The following STON2 variants were observed in gnomAD, a reference collection of about 807,000 sequenced individuals.
STON2 encodes stonin-2.
A neutral mutation model predicts 65.7 loss-of-function variants in STON2; 29 were observed. The ratio of observed to expected loss-of-function variants is 0.44; its 90% CI spans 0.33 to 0.60. STON2 has a LOEUF of 0.60. Ranked by LOEUF, STON2 falls within the 20% of genes least tolerant of loss-of-function variation. The pLI is 0.03. For missense variants in STON2, 1,054 were observed against 1,118.1 expected (o/e 0.94, Z 0.82); for synonymous variants, 404 against 414.2 (o/e 0.98, Z 0.30).
chr14:81,310,611 C>A (rs1250751301), intron 5 of STON2, among the ~76,000 whole-genome samples: 4 of 152,154 alleles, frequency 2.6e-5, no homozygotes, highest in Admixed American at 2.0e-4. Context: ...TTATTGAGGA[C>A]TTACTATATT....
At position 81,266,806 on chromosome 14, in the gene STON2, C is replaced by T; in HGVS notation, c.*1608G>A. On this transcript the variant is annotated 3_prime_UTR_variant, in exon 8 of 8. Transcript: ENST00000614646. ...CTTCCTAACACCGTTCCCATCAACA[C>T]CACACACATAAACACACACAAACAC... 1 of 894,238 alleles carries T rather than the reference C, an allele frequency of 1.1e-6. No individual in the cohort carries two copies. Among genetic ancestry groups the T allele is most frequent in the South Asian group, 5.3e-5 (1 of 18,972 alleles). The allele number at this position is 894,238 out of a possible 1,614,324, so 55.4% of individuals were successfully genotyped here.
chr14:81,381,951 G>A (rs1004171557), intron 3 of STON2, among the ~76,000 whole-genome samples: 1 of 152,162 alleles, frequency 6.6e-6, no homozygotes, highest in African/African-American at 2.4e-5. Context: ...CGGGCACGGT[G>A]GCTCACACCT....
intron 2 of STON2, among the ~76,000 whole-genome samples, chr14:81,408,154 C>CAT: frequency 7.0e-6 from 1 of 142,538 alleles, no homozygotes; most frequent in South Asian, 2.4e-4. Context: ...CACACACACA[C>CAT]ACACGCGCAC....
intron 5 of STON2, among the ~76,000 whole-genome samples, chr14:81,296,526 C>A (rs1032649530): frequency 6.6e-6 from 1 of 152,130 alleles, no homozygotes; most frequent in Non-Finnish European, 1.5e-5. Flanking sequence ...GGGATAGGCT[C>A]GAACCCCCTT....
chr14:81,288,467 C>T (rs530948620), intron 5 of STON2, among the ~76,000 whole-genome samples: 1 of 152,330 alleles, frequency 6.6e-6, no homozygotes, highest in South Asian at 2.1e-4. Flanking sequence ...GTACTGAATA[C>T]TGCAGGCAAT....
intron 5 of STON2, among the ~76,000 whole-genome samples, chr14:81,290,889 A>G (rs1191121570): frequency 1.3e-5 from 2 of 152,192 alleles, no homozygotes; most frequent in Admixed American, 6.5e-5. Flanking sequence ...TAAAAGTGTA[A>G]ACACATCAAG....
intron 4 of STON2, among the ~76,000 whole-genome samples, chr14:81,324,400 T>C (rs1244062394): frequency 7.2e-5 from 11 of 151,982 alleles, no homozygotes; most frequent in Non-Finnish European, 1.5e-5. Context: ...GGGAGGCAAA[T>C]AACACTTGGG....
At position 81,263,003 on chromosome 14, in the gene STON2, G is replaced by C. The variant is rs1450687890; in HGVS notation, c.*5411C>G. 2 of 985,242 alleles carry C rather than the reference G, an allele frequency of 2.0e-6. No homozygotes were observed. Among genetic ancestry groups the C allele is most frequent in the African/African-American group, 3.5e-5 (2 of 57,240 alleles). The allele number at this position is 985,242 out of a possible 1,614,324, so 61.0% of individuals were successfully genotyped here. On this transcript the variant is annotated 3_prime_UTR_variant, in exon 8 of 8. Transcript: ENST00000614646. ...GTTTAGAAATCATCTTTAGAAACTT[G>C]GTGAGAATGCCCTAATTTTATGTAA...
intron 5 of STON2, among the ~76,000 whole-genome samples, chr14:81,293,212 TCATCAG>T (rs1895630015): frequency 6.7e-6 from 1 of 150,282 alleles, no homozygotes; most frequent in Non-Finnish European, 1.5e-5. Context: ...TCTCGCTCCG[TCATCAG>T]GCTGGAGTGC....
chr14:81,369,157 A>G (rs1464616671), intron 4 of STON2, among the ~76,000 whole-genome samples: 1 of 152,036 alleles, frequency 6.6e-6, no homozygotes, highest in Non-Finnish European at 1.5e-5. Context: ...CTATGATTCC[A>G]GCGCTTGCTT....
At chr14:81,353,946 T>C (rs1194080730) in intron 4 of STON2, among the ~76,000 whole-genome samples, 1 of 152,140 alleles carries the variant, frequency 6.6e-6, no homozygotes, top group African/African-American at 2.4e-5. Flanking sequence ...CAGTTCTCAG[T>C]CCAGCCTCAG....
intron 3 of STON2, among the ~76,000 whole-genome samples, chr14:81,384,181 C>A (rs992851693): frequency 3.9e-5 from 6 of 151,914 alleles, no homozygotes; most frequent in Admixed American, 3.9e-4. Flanking sequence ...CCTTGTTTTG[C>A]CTCATTTTTC....
At chr14:81,421,591 A>G (rs1455791571) in intron 2 of STON2, among the ~76,000 whole-genome samples, 1 of 152,216 alleles carries the variant, frequency 6.6e-6, no homozygotes, top group Admixed American at 6.5e-5. Flanking sequence ...AATGTTATCA[A>G]GATATGGGGA....
At chr14:81,397,103 T>C (rs562986417) in intron 2 of STON2, among the ~76,000 whole-genome samples, 3 of 152,260 alleles carry the variant, frequency 2.0e-5, no homozygotes, top group South Asian at 4.1e-4. Flanking sequence ...ATTATGGTGG[T>C]AGATACACAA....
At chr14:81,370,900 C>G in intron 4 of STON2, 88 bp downstream of exon 4, 4 of 1,256,250 alleles carry the variant, frequency 3.2e-6, no homozygotes, top group Non-Finnish European at 4.5e-6. Flanking sequence ...AGGAAGCCAG[C>G]TGCAGCAATT....
chr14:81,433,749 C>A (rs1248700713), intron 1 of STON2, among the ~76,000 whole-genome samples: 3 of 152,168 alleles, frequency 2.0e-5, no homozygotes, highest in Admixed American at 6.5e-5. Context: ...GTTTCTTAAG[C>A]CTCAGTGGGT....
chr14:81,335,818 G>A (rs1897349580), intron 4 of STON2, among the ~76,000 whole-genome samples: 1 of 152,114 alleles, frequency 6.6e-6, no homozygotes, highest in African/African-American at 2.4e-5. Flanking sequence ...AAATTATTTT[G>A]TTGAGTAGGA....
At chr14:81,305,193 G>C (rs1419412079) in intron 5 of STON2, among the ~76,000 whole-genome samples, 1 of 152,240 alleles carries the variant, frequency 6.6e-6, no homozygotes, top group Non-Finnish European at 1.5e-5. Flanking sequence ...GGACATTTGA[G>C]AGCCAGGCTT....
At chr14:81,399,595 A>G (rs1258440235) in intron 1 of STON2, among the ~76,000 whole-genome samples, 1 of 152,238 alleles carries the variant, frequency 6.6e-6, no homozygotes, top group Non-Finnish European at 1.5e-5. Flanking sequence ...TTGGTGTTTA[A>G]AACAGTTTTG....
Sources: allele counts gnomAD v4.1 joint callset (sites outside exome capture counted in the v4.1 genomes callset), GRCh38; gene constraint gnomAD v4.1.1; transcripts MANE v1.5; gene names NCBI Gene and HGNC (gene_info 2026-07-23, HGNC 2026-07-21).